RSPO4: variants seen among roughly 807,000 people sequenced by gnomAD.
RSPO4 encodes the protein R-spondin 4.
In RSPO4, 23 loss-of-function variants were observed where a neutral mutation model predicts 24.8. The ratio of observed to expected loss-of-function variants is 0.93; its 90% confidence interval spans 0.67 to 1.31. The LOEUF (loss-of-function observed/expected upper bound fraction) is 1.31. Among genes scored for constraint, RSPO4 ranks in the 40% most tolerant of loss-of-function variants. RSPO4 has a pLI of 0.00. For missense variants in RSPO4, 333 were observed against 316.5 expected, an observed-to-expected ratio of 1.05 and a Z score of -0.39; for synonymous variants, 141 against 127.4, an observed-to-expected ratio of 1.11 and a Z score of -0.72.
chr20:972,794 G>A lies in RSPO4; in HGVS notation c.80-4656C>T, dbSNP rs11906831. On this transcript the variant is annotated intron_variant, in intron 1 of 4. Transcript: ENST00000217260. Reference sequence around the variant, plus strand: ...ATCAGTGGAGACCAAGTTGCCCTGCGCTGTGCCTTGGCGCTGTGTAAGCCC... The same window carrying A: ...ATCAGTGGAGACCAAGTTGCCCTGCACTGTGCCTTGGCGCTGTGTAAGCCC... 1.9e-3 allele frequency among the ~76,000 whole-genome samples: 290 copies of A among 152,362 alleles called. 2 individuals are homozygous for A. Among genetic ancestry groups the A allele is most frequent in the African/African-American group, 6.6e-3 (273 of 41,592 alleles).
chr20:990,569 TC>T (rs201643374), intron 1 of RSPO4, among the ~76,000 whole-genome samples: 3,225 of 151,566 alleles, frequency 0.021, 112 homozygotes, highest in African/African-American at 0.074. Flanking sequence ...TCAGTCTCTC[TC>T]TCTCTTTCCC....
intron 1 of RSPO4, among the ~76,000 whole-genome samples, chr20:987,525 C>CCTG (rs1984958034): frequency 6.6e-6 from 1 of 152,110 alleles, no homozygotes; most frequent in Admixed American, 6.5e-5. Context: ...GTGGCTCACA[C>CCTG]CTGTAATCCC....
At chr20:971,348 A>C (rs1176397412) in intron 1 of RSPO4, among the ~76,000 whole-genome samples, 2 of 152,248 alleles carry the variant, frequency 1.3e-5, no homozygotes, top group African/African-American at 2.4e-5. Context: ...TGGTCCAGGG[A>C]CCATGCTCTC....
Position 970,635 on chromosome 20 carries a change from A to G in RSPO4, c.80-2497T>C, listed in dbSNP as rs1311341130. Among the ~76,000 whole-genome samples the G allele has an allele frequency of 6.6e-6, 1 of 152,100 alleles. No homozygotes were observed. The highest frequency in any genetic ancestry group is 1.5e-5 in the Non-Finnish European group (1 of 68,024). ...GTAAGGGAGATTCCCAGAGCCAGAG[A>G]AATAAGAACATCCACTGAGAATTTA... is the stretch of plus-strand genomic sequence containing the variant. On this transcript the variant is annotated intron_variant, in intron 1 of 4. Transcript: ENST00000217260. The surrounding 1 kb of genome is among the most constrained non-coding windows in gnomAD (Gnocchi z 4.1).
In RSPO4 at chr20:983,640, C is replaced by T. The variant is rs73082153; in HGVS notation, c.80-15502G>A. On this transcript the variant is annotated intron_variant, in intron 1 of 4. Coordinates refer to ENST00000217260, the MANE Select transcript of RSPO4 (RefSeq NM_001029871.4). ...TCATTCCCACACTAGCTTCTCTGAG[C>T]ATTGGTTTTCCCGTCTGTAAATGGG... 7.2e-3 allele frequency among the ~76,000 whole-genome samples: 1,092 copies of T among 152,300 alleles called. 3 individuals are homozygous for T. Among genetic ancestry groups the T allele is most frequent in the Non-Finnish European group, 0.012 (842 of 68,036 alleles).
chr20:967,246 A>G lies in RSPO4; in HGVS notation c.337T>C (p.Leu113=). 6.2e-7 allele frequency: 1 copy of G among 1,614,216 alleles called. No individual in the cohort carries two copies. The highest frequency in any genetic ancestry group is 8.5e-7 in the Non-Finnish European group (1 of 1,180,022). The change falls in exon 3 of 5, where the codon TTG becomes CTG. Residue 113 remains leucine, a synonymous_variant. Transcript: ENST00000217260. ...FCIRCKRQFY[L]YKGKCLPTCP... ...GTGGGCAGACACTTCCCCTTGTACA[A>G]GTAAAACTGCCTCTTGCACCGGATG...
chr20:986,743 T>A (rs1330154378), intron 1 of RSPO4, among the ~76,000 whole-genome samples: 2 of 151,824 alleles, frequency 1.3e-5, no homozygotes, highest in Admixed American at 1.3e-4. Flanking sequence ...ACACACAAAG[T>A]AAGCCAAGAA....
intron 3 of RSPO4, among the ~76,000 whole-genome samples, chr20:964,633 A>G (rs561917120): frequency 1.3e-5 from 2 of 151,924 alleles, no homozygotes; most frequent in African/African-American, 4.8e-5. Context: ...AAAGGAGGCC[A>G]TGGACATAAA....
intron 1 of RSPO4, among the ~76,000 whole-genome samples, chr20:984,803 G>T (rs1358863757): frequency 6.6e-6 from 1 of 152,078 alleles, no homozygotes; most frequent in African/African-American, 2.4e-5. Context: ...TCTGTCAAAT[G>T]GATGGTTAAA....
chr20:998,215 G>T (rs2122280861), intron 1 of RSPO4, among the ~76,000 whole-genome samples: 1 of 152,180 alleles, frequency 6.6e-6, no homozygotes, highest in Middle Eastern at 3.4e-3. Flanking sequence ...TGTGAATGTG[G>T]GGGTCCCTCC....
chr20:988,924 C>A (rs1164226621), intron 1 of RSPO4, among the ~76,000 whole-genome samples: 3 of 152,204 alleles, frequency 2.0e-5, no homozygotes, highest in Non-Finnish European at 4.4e-5. Context: ...TCCATAAATG[C>A]CCCAAATCGC....
intron 2 of RSPO4, 92 bp downstream of exon 2, chr20:967,858 C>T: frequency 2.4e-6 from 3 of 1,261,270 alleles, no homozygotes; most frequent in Middle Eastern, 1.9e-4. Flanking sequence ...CACCTACTTC[C>T]CCTCTGTCTG....
chr20:963,732 A>C (rs1395175504), intron 4 of RSPO4, among the ~76,000 whole-genome samples: 1 of 152,092 alleles, frequency 6.6e-6, no homozygotes, highest in African/African-American at 2.4e-5. Context: ...AATTTTCCTA[A>C]TGTATTTGGG....
At chr20:965,723 C>T (rs6056276) in intron 3 of RSPO4, among the ~76,000 whole-genome samples, 14,989 of 152,126 alleles carry the variant, frequency 0.099, 898 homozygotes, top group East Asian at 0.22. Context: ...TTGGGAGCTT[C>T]GTGCTGCTTC....
At chr20:986,812 T>C (rs936662330) in intron 1 of RSPO4, among the ~76,000 whole-genome samples, 8 of 151,942 alleles carry the variant, frequency 5.3e-5, no homozygotes, top group African/African-American at 1.9e-4. Context: ...ATGATCCAAG[T>C]GTGTGGAGGG....
chr20:972,281 G>A (rs987402368), intron 1 of RSPO4, among the ~76,000 whole-genome samples: 1 of 152,112 alleles, frequency 6.6e-6, no homozygotes, highest in African/African-American at 2.4e-5. Flanking sequence ...TCCCAGGCCG[G>A]TCTAAAACTC....
At chr20:971,184 C>T (rs1261839743) in intron 1 of RSPO4, among the ~76,000 whole-genome samples, 1 of 152,214 alleles carries the variant, frequency 6.6e-6, no homozygotes, top group Non-Finnish European at 1.5e-5. Flanking sequence ...CTGGTATATA[C>T]CCTAGAGCGG....
At position 967,164 on chromosome 20, in the gene RSPO4, C is replaced by G; in HGVS notation, c.409+10G>C. On this transcript the variant is annotated intron_variant, in intron 3 of 4. Coordinates refer to ENST00000217260, the MANE Select transcript of RSPO4 (RefSeq NM_001029871.4). The stretch of plus-strand genomic sequence containing the variant: ...AGGGGCAGGGGCAGGGCGGGGAGGT[C>G]CCCACTCACCCTGGCACTCCCGTGT... 6.2e-7 allele frequency: 1 copy of G among 1,612,408 alleles called. No homozygotes were observed. The highest frequency in any genetic ancestry group is 1.1e-5 in the South Asian group (1 of 91,054).
chr20:964,151 G>T (rs1214159320), intron 3 of RSPO4, 31 bp from the exon 4 acceptor site: 1 of 1,581,532 alleles, frequency 6.3e-7, no homozygotes, highest in Non-Finnish European at 8.6e-7. Context: ...CAGACAGACA[G>T]ACAGACAGGG....
Sources: gnomAD v4.1 joint callset for allele counts (sites outside exome capture counted in the v4.1 genomes callset) on GRCh38, gnomAD v4.1.1 for gene constraint, Gnocchi (gnomAD v3.1) non-coding constraint, MANE v1.5 for transcripts, NCBI Gene and HGNC (gene_info 2026-07-23, HGNC 2026-07-21) for gene names.